The following PRMT8 variants were observed in gnomAD, a reference collection of about 807,000 sequenced individuals.
PRMT8 encodes protein arginine methyltransferase 8.
A neutral mutation model predicts 47.1 loss-of-function variants in PRMT8; 7 were observed. That is an observed-to-expected ratio of 0.15 (90% CI 0.08 to 0.28). The LOEUF (loss-of-function observed/expected upper bound fraction) is 0.28. PRMT8 is among the 10% of genes least tolerant of loss of function. The pLI is 1.00. For missense variants in PRMT8, 237 were observed against 505.4 expected, an observed-to-expected ratio of 0.47 and a Z score of 5.09; for synonymous variants, 188 against 186.5, an observed-to-expected ratio of 1.01 and a Z score of -0.07.
At chr12:3,446,989 G>A (rs1565409916) in intron 1 of PRMT8, among the ~76,000 whole-genome samples, 1 of 152,138 alleles carries the variant, frequency 6.6e-6, no homozygotes, top group East Asian at 1.9e-4. Context: ...TATGAACCAT[G>A]TGAAGTGAAG....
intron 1 of PRMT8, among the ~76,000 whole-genome samples, chr12:3,442,486 A>T (rs1030524463): frequency 2.0e-5 from 3 of 152,126 alleles, no homozygotes; most frequent in African/African-American, 7.2e-5. Context: ...ACCCCATGTG[A>T]ACAGCCCAGT....
At chr12:3,515,789 C>T (rs185881224) in intron 1 of PRMT8, among the ~76,000 whole-genome samples, 67 of 152,236 alleles carry the variant, frequency 4.4e-4, no homozygotes, top group African/African-American at 1.5e-3. Flanking sequence ...GCGAAACAGG[C>T]TGCCTTGACA....
Position 3,409,790 on chromosome 12 carries a change from G to C in PRMT8, c.48+28348G>C, listed in dbSNP as rs941242962. On this transcript the variant is annotated intron_variant, in intron 1 of 9. Coordinates refer to the PRMT8 transcript ENST00000452611. The surrounding 1 kb of genome is among the most constrained non-coding windows in gnomAD (Gnocchi z 4.4). ...CAGCTCAGGTGCTGGGGTTGTGACT[G>C]CTCTGGGTAGCTAAGGCAGGGATTC... Among the ~76,000 whole-genome samples, 2 of 152,174 alleles carry C rather than the reference G, an allele frequency of 1.3e-5. No homozygotes were observed. Among genetic ancestry groups the C allele is most frequent in the East Asian group, 3.9e-4 (2 of 5,176 alleles).
chr12:3,584,309 T>G (rs529565443), intron 8 of PRMT8, among the ~76,000 whole-genome samples: 1 of 152,232 alleles, frequency 6.6e-6, no homozygotes, highest in Non-Finnish European at 1.5e-5. Flanking sequence ...ATCACCTCTT[T>G]TAAAGCCCTT....
At chr12:3,577,768 C>G (rs542637744) in intron 7 of PRMT8, among the ~76,000 whole-genome samples, 5 of 152,202 alleles carry the variant, frequency 3.3e-5, no homozygotes, top group African/African-American at 1.2e-4. Flanking sequence ...CCCACGGTAG[C>G]CAAAAGATTA....
At position 3,564,851 on chromosome 12, in the gene PRMT8, T is replaced by C. The variant is rs1866692577; in HGVS notation, c.482-3855T>C. ...CTGCTGCTGTGTGTGCCCACACACT[T>C]CCTTGAGCCAGCCTAATGCCCTATG... On this transcript the variant is annotated intron_variant, in intron 4 of 9. Transcript: ENST00000382622. This position sits in a 1 kb window ranked among gnomAD's most constrained non-coding sequence, Gnocchi z 4.0. Among the ~76,000 whole-genome samples the C allele has an allele frequency of 6.6e-6, 1 of 152,264 alleles. No homozygotes were observed. The highest frequency in any genetic ancestry group is 1.5e-5 in the Non-Finnish European group (1 of 68,046).
intron 1 of PRMT8, among the ~76,000 whole-genome samples, chr12:3,454,643 C>T (rs1286251803): frequency 6.6e-6 from 1 of 152,084 alleles, no homozygotes; most frequent in East Asian, 1.9e-4. Flanking sequence ...CCAGTGAAAC[C>T]ACCCCTATAA....
At chr12:3,480,536 C>T (rs1865262610) in intron 1 of PRMT8, among the ~76,000 whole-genome samples, 1 of 152,168 alleles carries the variant, frequency 6.6e-6, no homozygotes, top group Non-Finnish European at 1.5e-5. Context: ...AACCACTCCC[C>T]ACCCCCATTT....
At chr12:3,553,488 G>A (rs139458080) in intron 3 of PRMT8, 163 bp from the exon 4 acceptor site, 3 of 648,406 alleles carry the variant, frequency 4.6e-6, no homozygotes, top group African/African-American at 3.6e-5. Flanking sequence ...GCCTTGAGGT[G>A]GGGGGGCTGG....
rs956839598 is a variant in PRMT8 at position 3,538,589 on chromosome 12, T to C, written c.76-2017T>C. Reference sequence around the variant, plus strand: ...ACAGCTAAGGGGTGCTGGAGGCCCCTGTGACCTTGACCATGCACAATGCCC... The same window carrying C: ...ACAGCTAAGGGGTGCTGGAGGCCCCCGTGACCTTGACCATGCACAATGCCC... On this transcript the variant is annotated intron_variant, in intron 1 of 9. Coordinates refer to ENST00000382622, the MANE Select transcript of PRMT8 (RefSeq NM_019854.5). This position sits in a 1 kb window ranked among gnomAD's most constrained non-coding sequence, Gnocchi z 4.6. The C allele has an allele frequency of 1.9e-6, 1 of 518,770 alleles. No homozygotes were observed. Among genetic ancestry groups the C allele is most frequent in the Non-Finnish European group, 3.9e-6 (1 of 259,716 alleles). The allele number at this position is 518,770 out of a possible 1,614,324, so 32.1% of individuals were successfully genotyped here. A position where few individuals can be genotyped will look rare whatever the true frequency, so the allele number is the denominator to read the frequency against.
chr12:3,512,053 C>A (rs1865722153), intron 1 of PRMT8, among the ~76,000 whole-genome samples: 2 of 152,168 alleles, frequency 1.3e-5, no homozygotes, highest in Admixed American at 1.3e-4. Context: ...GCCATCCCTG[C>A]AGTTACTTTC....
Position 3,394,422 on chromosome 12 carries a change from G to A in PRMT8, c.48+12980G>A, listed in dbSNP as rs1270217100. 1.9e-3 allele frequency among the ~76,000 whole-genome samples: 283 copies of A among 152,036 alleles called. 1 individual carries two copies. Among genetic ancestry groups the A allele is most frequent in the African/African-American group, 6.3e-3 (262 of 41,478 alleles). ...TTTATTGAGAGTTTTTAGCATGAAG[G>A]GTTGTTGAATTTTGTCAAAGGACTT... On this transcript the variant is annotated intron_variant, in intron 1 of 9. Transcript: ENST00000452611.
rs1044049257 is a variant in PRMT8 at position 3,569,132 on chromosome 12, T to C, written c.624+284T>C. On this transcript the variant is annotated intron_variant, in intron 5 of 9. Coordinates refer to ENST00000382622, the MANE Select transcript of PRMT8 (RefSeq NM_019854.5). The surrounding 1 kb of genome is among the most constrained non-coding windows in gnomAD (Gnocchi z 8.2). ...TTGTCGAGTTAAAGGTCCGTTTCGG[T>C]CAGCAAGTACTTAGGACTTGCATGG... Among the ~76,000 whole-genome samples, 1 of 152,192 alleles carries C rather than the reference T, an allele frequency of 6.6e-6. No individual in the cohort carries two copies. The highest frequency in any genetic ancestry group is 1.5e-5 in the Non-Finnish European group (1 of 68,032).
chr12:3,536,034 T>C (rs1434931235), intron 1 of PRMT8, among the ~76,000 whole-genome samples: 20 of 152,210 alleles, frequency 1.3e-4, no homozygotes, highest in Non-Finnish European at 1.5e-5. Flanking sequence ...CAATCATGTA[T>C]ATCTCTTGGA....
intron 1 of PRMT8, among the ~76,000 whole-genome samples, chr12:3,384,767 C>T (rs1360723258): frequency 6.6e-6 from 1 of 152,164 alleles, no homozygotes; most frequent in Non-Finnish European, 1.5e-5. Flanking sequence ...AGTGGAGTCC[C>T]ATGAATAGTT....
chr12:3,571,355 T>A (rs1176832527), intron 6 of PRMT8, among the ~76,000 whole-genome samples: 2 of 152,260 alleles, frequency 1.3e-5, no homozygotes, highest in Admixed American at 6.5e-5. Context: ...TTGTACTGAA[T>A]AGTGTTTTGA....
At chr12:3,568,928 A>G (rs922591041) in intron 5 of PRMT8, 80 bp downstream of exon 5, 18 of 1,573,110 alleles carry the variant, frequency 1.1e-5, no homozygotes, top group Non-Finnish European at 1.6e-5. Context: ...CCTAGGAGGC[A>G]TACGAAGACT....
intron 1 of PRMT8, among the ~76,000 whole-genome samples, chr12:3,457,171 C>T (rs1864983863): frequency 6.6e-6 from 1 of 152,122 alleles, no homozygotes; most frequent in Admixed American, 6.5e-5. Flanking sequence ...TGAGGGCAGG[C>T]TTGGTGTCCC....
upstream of PRMT8, among the ~76,000 whole-genome samples, chr12:3,489,688 G>A (rs1393521176): frequency 2.6e-5 from 4 of 152,046 alleles, no homozygotes; most frequent in Non-Finnish European, 5.9e-5. Context: ...TTGACAGAAC[G>A]GGAGGAACGA....
Sources: gnomAD v4.1 joint callset for allele counts (sites outside exome capture counted in the v4.1 genomes callset) on GRCh38, gnomAD v4.1.1 for gene constraint, Gnocchi (gnomAD v3.1) non-coding constraint, MANE v1.5 for transcripts, NCBI Gene and HGNC (gene_info 2026-07-23, HGNC 2026-07-21) for gene names.